The following USP49 variants were observed in gnomAD, a reference collection of about 807,000 sequenced individuals.
USP49 encodes ubiquitin specific peptidase 49, also known as ubiquitin carboxyl-terminal hydrolase 49.
USP49 carries 24 observed loss-of-function variants against 58.6 expected under a neutral mutation model. The ratio of observed to expected loss-of-function variants is 0.41; its 90% confidence interval spans 0.30 to 0.58. The LOEUF is 0.58. Ranked by LOEUF, USP49 falls within the 20% of genes least tolerant of loss-of-function variation. The probability of loss-of-function intolerance (pLI) is 0.30; values close to 1 mark genes in which losing one functional copy is unlikely to be tolerated. For synonymous variants in USP49, 408 were observed against 365.1 expected (o/e 1.12, Z -1.34); for missense variants, 703 against 866.1 (o/e 0.81, Z 2.36).
At chr6:41,802,427 A>ATTTTATTTTATTTTATTTTATTTTATTT in intron 5 of USP49, among the ~76,000 whole-genome samples, 1 of 81,198 alleles carries the variant, frequency 1.2e-5, no homozygotes, top group East Asian at 3.4e-4. Context: ...ATTTTATTTT[A>ATTTTATTTTATTTTATTTTATTTTATTT]TTTTATTTAT....
intron 7 of USP49, chr6:41,797,784 A>G: frequency 1.0e-6 from 1 of 985,884 alleles, no homozygotes; most frequent in Non-Finnish European, 1.2e-6. Context: ...CAAAACAGTA[A>G]TATTATCAAT....
chr6:41,878,298 C>T (rs1163006918), intron 2 of USP49, among the ~76,000 whole-genome samples: 2 of 152,086 alleles, frequency 1.3e-5, no homozygotes, highest in East Asian at 3.8e-4. Context: ...ATTCAAGAAT[C>T]CTAAAATGTG....
intron 3 of USP49, among the ~76,000 whole-genome samples, chr6:41,829,235 A>C (rs1020260540): frequency 3.9e-5 from 6 of 152,330 alleles, no homozygotes; most frequent in African/African-American, 1.2e-4. Flanking sequence ...TGTATGGTTG[A>C]ATCAAAAGGT....
chr6:41,812,838 T>C (rs1040069076), intron 3 of USP49, among the ~76,000 whole-genome samples: 1 of 152,246 alleles, frequency 6.6e-6, no homozygotes, highest in Non-Finnish European at 1.5e-5. Flanking sequence ...ATATATTCTC[T>C]ATATATCAAT....
At chr6:41,824,311 A>G (rs1773500632) in intron 3 of USP49, among the ~76,000 whole-genome samples, 1 of 152,168 alleles carries the variant, frequency 6.6e-6, no homozygotes, top group Admixed American at 6.6e-5. Context: ...TTTTTAAAGC[A>G]AATTTGAGGG....
At position 41,829,377 on chromosome 6, in the gene USP49, C is replaced by T. The variant is rs534471943; in HGVS notation, c.-28-22366G>A. Among the ~76,000 whole-genome samples the T allele has an allele frequency of 2.3e-4, 35 of 151,824 alleles. 1 individual carries two copies. In the South Asian group the frequency reaches 3.9e-3, roughly 17 times the overall value. On this transcript the variant is annotated intron_variant, in intron 3 of 7. Coordinates refer to ENST00000682992, the MANE Select transcript of USP49 (RefSeq NM_001286554.2). ...TTGCCCAGGCTGGAGTGCAATGGCA[C>T]GATCTTGGCTCACTGCAACCTCGCC...
chr6:41,841,369 T>C (rs1773824903), intron 3 of USP49, among the ~76,000 whole-genome samples: 1 of 152,218 alleles, frequency 6.6e-6, no homozygotes, highest in African/African-American at 2.4e-5. Context: ...TATTCTTTCT[T>C]CGATTCTAGG....
intron 2 of USP49, among the ~76,000 whole-genome samples, chr6:41,878,773 T>C (rs1476981114): frequency 1.3e-5 from 2 of 152,200 alleles, no homozygotes; most frequent in Non-Finnish European, 1.5e-5. Context: ...CTAGATACCA[T>C]ATTGTGTGAG....
intron 3 of USP49, among the ~76,000 whole-genome samples, chr6:41,808,136 C>A (rs1172864028): frequency 3.9e-5 from 6 of 152,058 alleles, no homozygotes; most frequent in Non-Finnish European, 7.4e-5. Context: ...AAAACTTTTA[C>A]CTTCTTTACT....
chr6:41,888,463 T>C (rs1774755249), intron 2 of USP49, among the ~76,000 whole-genome samples: 1 of 151,902 alleles, frequency 6.6e-6, no homozygotes, highest in Non-Finnish European at 1.5e-5. Context: ...GTTTGTTTGT[T>C]TTGTTTTGAG....
intron 5 of USP49, among the ~76,000 whole-genome samples, chr6:41,802,304 G>T (rs906151512): frequency 1.3e-5 from 2 of 151,784 alleles, no homozygotes; most frequent in African/African-American, 2.4e-5. Flanking sequence ...TTACAGGTAT[G>T]AGCCACTACA....
Position 41,796,650 on chromosome 6 carries a change from G to A in USP49, c.1950C>T (p.Tyr650=). The A allele has an allele frequency of 1.4e-6, 1 of 717,502 alleles. No individual in the cohort carries two copies. 44.4% of individuals were successfully genotyped at this position (717,502 alleles called of 1,614,324 possible). Residue 650 remains tyrosine, a synonymous_variant, in exon 8 of 8, where the codon TAC becomes TAT. Transcript: ENST00000682992. ...SVEEVCKTQA[Y]ILFYTQRTVQ... is the part of the protein sequence containing the mutation. ...CTGTTCTTTGAGTGTAAAAAAGGATGTAGGCCTGGGTTTTGCACACTTCCT... is the reference window on the plus strand; with the variant it reads ...CTGTTCTTTGAGTGTAAAAAAGGATATAGGCCTGGGTTTTGCACACTTCCT...
chr6:41,861,172 A>T, intron 3 of USP49, among the ~76,000 whole-genome samples: 1 of 150,218 alleles, frequency 6.7e-6, no homozygotes, highest in East Asian at 2.0e-4. Flanking sequence ...GGCCGGGCGC[A>T]GTGGCTCACG....
At chr6:41,868,414 G>A (rs1344583107) in intron 3 of USP49, among the ~76,000 whole-genome samples, 15 of 152,208 alleles carry the variant, frequency 9.9e-5, no homozygotes, top group African/African-American at 1.4e-4. Context: ...TGCAACCTCC[G>A]CCTCCCGGGT....
intron 3 of USP49, among the ~76,000 whole-genome samples, chr6:41,842,906 T>C (rs780654652): frequency 6.6e-6 from 1 of 151,106 alleles, no homozygotes; most frequent in Non-Finnish European, 1.5e-5. Context: ...TACATGAATA[T>C]GTTATATATA....
At chr6:41,884,364 A>G (rs1774671496) in intron 2 of USP49, among the ~76,000 whole-genome samples, 1 of 152,224 alleles carries the variant, frequency 6.6e-6, no homozygotes. Flanking sequence ...TGAAAAAAGT[A>G]AAAACCAGAG....
At chr6:41,893,399 G>C (rs1774840960) in intron 1 of USP49, among the ~76,000 whole-genome samples, 1 of 152,166 alleles carries the variant, frequency 6.6e-6, no homozygotes, top group Non-Finnish European at 1.5e-5. Context: ...ACATTCTCCA[G>C]CAACTGAAAA....
chr6:41,818,996 AAAGG>A (rs544934084), intron 3 of USP49, among the ~76,000 whole-genome samples: 40 of 152,094 alleles, frequency 2.6e-4, no homozygotes, highest in African/African-American at 9.6e-4. Context: ...GAGTCTCCCT[AAAGG>A]AAAGTGGGGA....
intron 3 of USP49, among the ~76,000 whole-genome samples, chr6:41,846,411 C>T (rs1169368238): frequency 5.3e-5 from 8 of 152,170 alleles, no homozygotes; most frequent in Non-Finnish European, 1.0e-4. Flanking sequence ...AACAGAGACA[C>T]AGAGAAGTCA....
Sources: gnomAD v4.1 joint callset for allele counts (sites outside exome capture counted in the v4.1 genomes callset) on GRCh38, gnomAD v4.1.1 for gene constraint, MANE v1.5 for transcripts, NCBI Gene and HGNC (gene_info 2026-07-23, HGNC 2026-07-21) for gene names.